PTK2B: variants seen among roughly 807,000 people sequenced by gnomAD.
PTK2B encodes the protein protein tyrosine kinase 2 beta, also known as protein-tyrosine kinase 2-beta.
PTK2B carries 71 observed loss-of-function variants against 142.9 expected under a neutral mutation model. The ratio of observed to expected loss-of-function variants is 0.50; its 90% CI spans 0.41 to 0.61. The LOEUF (loss-of-function observed/expected upper bound fraction) is 0.61, where lower values mean the gene tolerates loss of function less well. Ranked by LOEUF, PTK2B falls within the 20% of genes least tolerant of loss-of-function variation. The pLI, the probability that PTK2B is intolerant of heterozygous loss-of-function variation, is 0.00. For synonymous variants in PTK2B, 519 were observed against 503.4 expected (o/e 1.03, Z -0.42); for missense variants, 1,105 against 1,320.4 (o/e 0.84, Z 2.53).
intron 1 of PTK2B, among the ~76,000 whole-genome samples, chr8:27,376,525 C>T (rs1247978914): frequency 2.6e-5 from 4 of 152,212 alleles, no homozygotes; most frequent in Non-Finnish European, 5.9e-5. Flanking sequence ...TATTGTGTTG[C>T]ATTCCCAGAT....
At chr8:27,427,117 C>T (rs1219217833) in intron 5 of PTK2B, among the ~76,000 whole-genome samples, 5 of 152,126 alleles carry the variant, frequency 3.3e-5, no homozygotes, top group Admixed American at 1.3e-4. Flanking sequence ...TTCTCATTTC[C>T]CTTTTCAGCG....
chr8:27,442,849 T>A (rs374314063), intron 21 of PTK2B, 26 bp from the exon 22 acceptor site: 2 of 1,595,496 alleles, frequency 1.3e-6, no homozygotes, highest in Non-Finnish European at 1.7e-6. Flanking sequence ...CTAGTTTCTC[T>A]CCTTATCTGA....
intron 1 of PTK2B, among the ~76,000 whole-genome samples, chr8:27,355,455 C>A (rs892726875): frequency 2.6e-5 from 4 of 152,136 alleles, no homozygotes; most frequent in Non-Finnish European, 5.9e-5. Flanking sequence ...GAAGGATTCT[C>A]CCCTAGCACC....
At chr8:27,446,234 C>T (rs1269466389) in intron 24 of PTK2B, among the ~76,000 whole-genome samples, 4 of 152,222 alleles carry the variant, frequency 2.6e-5, no homozygotes, top group Non-Finnish European at 5.9e-5. Flanking sequence ...TCTGTGGCAG[C>T]TTGGAGGCTC....
intron 1 of PTK2B, among the ~76,000 whole-genome samples, chr8:27,358,231 T>TAA (rs1554485940): frequency 6.6e-6 from 1 of 152,198 alleles, no homozygotes; most frequent in Non-Finnish European, 1.5e-5. Context: ...TCAGCTGAGT[T>TAA]AAGCCATCCT....
intron 1 of PTK2B, among the ~76,000 whole-genome samples, chr8:27,344,789 A>G (rs1804617779): frequency 6.6e-6 from 1 of 152,174 alleles, no homozygotes; most frequent in African/African-American, 2.4e-5. Context: ...CACACAACTC[A>G]GCCCCTTCAC....
intron 2 of PTK2B, among the ~76,000 whole-genome samples, chr8:27,399,328 G>A (rs1375004989): frequency 3.3e-5 from 5 of 152,348 alleles, no homozygotes; most frequent in Admixed American, 3.3e-4. Context: ...GACAGGAAGA[G>A]GCTTTCCAAG....
At chr8:27,422,813 T>C (rs2131872750) in intron 5 of PTK2B, among the ~76,000 whole-genome samples, 1 of 152,352 alleles carries the variant, frequency 6.6e-6, no homozygotes, top group Middle Eastern at 3.4e-3. Flanking sequence ...GTGATATTAG[T>C]ACATCATCCA....
intron 30 of PTK2B, among the ~76,000 whole-genome samples, chr8:27,456,583 A>T (rs995466138): frequency 6.6e-6 from 1 of 152,166 alleles, no homozygotes; most frequent in Non-Finnish European, 1.5e-5. Flanking sequence ...TAAGAACCCT[A>T]CAGCGGTCTC....
At chr8:27,378,624 T>C (rs975356677) in intron 1 of PTK2B, among the ~76,000 whole-genome samples, 19 of 146,200 alleles carry the variant, frequency 1.3e-4, no homozygotes, top group East Asian at 3.9e-4. Context: ...TGTGTGTGTG[T>C]GTGTGTGTGT....
upstream of PTK2B, among the ~76,000 whole-genome samples, chr8:27,325,087 G>A (rs1284696401): frequency 6.6e-6 from 1 of 152,202 alleles, no homozygotes; most frequent in Non-Finnish European, 1.5e-5. Context: ...CCTGCAAAGG[G>A]ACTGGGGCCA....
At chr8:27,382,104 T>A (rs1406680154) in intron 1 of PTK2B, among the ~76,000 whole-genome samples, 3 of 152,132 alleles carry the variant, frequency 2.0e-5, no homozygotes, top group Non-Finnish European at 4.4e-5. Context: ...TGCACCACCA[T>A]GCCCAGCTAA....
chr8:27,458,016 A>G (rs1812254194), intron 30 of PTK2B, among the ~76,000 whole-genome samples: 1 of 150,992 alleles, frequency 6.6e-6, no homozygotes, highest in Non-Finnish European at 1.5e-5. Flanking sequence ...TTCGCATTTT[A>G]GAAAGTATGA....
Position 27,420,674 on chromosome 8 carries a change from G to A in PTK2B, c.401G>A (p.Arg134His), listed in dbSNP as rs775385734. The part of the protein sequence containing the change: ...EAEWRYDLQI[R>H]YLPEDFMESL... The stretch of plus-strand genomic sequence containing the variant: ...TGTTGCAGGTATGACCTTCAAATCC[G>A]CTACTTGCCAGAAGACTTCATGGAG... The change falls in exon 4 of 31, where the codon CGC (arginine) becomes CAC (histidine). Residue 134 changes from arginine to histidine, a missense_variant. Transcript: ENST00000346049. 14 of 1,614,060 alleles carry A rather than the reference G, an allele frequency of 8.7e-6. No homozygotes were observed. Among genetic ancestry groups the A allele is most frequent in the East Asian group, 2.2e-5 (1 of 44,880 alleles).
intron 4 of PTK2B, among the ~76,000 whole-genome samples, chr8:27,421,323 T>G (rs1809736387): frequency 7.6e-6 from 1 of 132,264 alleles, no homozygotes; most frequent in Admixed American, 7.5e-5. Context: ...TTTATTTATT[T>G]ATTTCAATGG....
intron 1 of PTK2B, among the ~76,000 whole-genome samples, chr8:27,327,165 G>A (rs899847923): frequency 6.6e-6 from 1 of 152,176 alleles, no homozygotes; most frequent in Non-Finnish European, 1.5e-5. Context: ...CGGCATCCAG[G>A]AAAATGAAAG....
chr8:27,325,940 C>G (rs577338751), intron 1 of PTK2B, among the ~76,000 whole-genome samples: 132 of 152,214 alleles, frequency 8.7e-4, no homozygotes, highest in African/African-American at 3.0e-3. Flanking sequence ...TTTGTCCTCT[C>G]AACATATTCA....
chr8:27,437,591 C>T (rs938257004), intron 17 of PTK2B, 95 bp downstream of exon 17: 18 of 1,283,542 alleles, frequency 1.4e-5, no homozygotes, highest in African/African-American at 3.0e-5. Context: ...TTCTGTGTTC[C>T]ACTGAAATAA....
chr8:27,370,509 A>G (rs931033708), intron 1 of PTK2B, among the ~76,000 whole-genome samples: 8 of 152,304 alleles, frequency 5.3e-5, no homozygotes, highest in African/African-American at 1.7e-4. Context: ...TACGGCCTTC[A>G]TCCTTTCCCT....
Sources: gnomAD v4.1 joint callset for allele counts (sites outside exome capture counted in the v4.1 genomes callset) on GRCh38, gnomAD v4.1.1 for gene constraint, MANE v1.5 for transcripts, NCBI Gene and HGNC (gene_info 2026-07-23, HGNC 2026-07-21) for gene names.